Variants in WNK1 observed in about 807,000 individuals in gnomAD.
The protein encoded by WNK1 is WNK lysine deficient protein kinase 1, also known as serine/threonine-protein kinase WNK1.
Under a neutral mutation model 222.8 loss-of-function variants are expected in WNK1, and 38 were observed. The observed-to-expected ratio is 0.17, with a 90% confidence interval of 0.13 to 0.22. The LOEUF (loss-of-function observed/expected upper bound fraction) is 0.22, where lower values mean the gene tolerates loss of function less well. WNK1 is among the 10% of genes least tolerant of loss of function. The probability of loss-of-function intolerance (pLI) is 1.00; values close to 1 mark genes in which losing one functional copy is unlikely to be tolerated. For synonymous variants in WNK1, 1,090 were observed against 1,092.9 expected (o/e 1.00, Z 0.05); for missense variants, 2,348 against 2,918.4 (o/e 0.80, Z 4.50).
chr12:817,878 G>C (rs1947500256), intron 2 of WNK1, among the ~76,000 whole-genome samples: 1 of 152,054 alleles, frequency 6.6e-6, no homozygotes, highest in Admixed American at 6.6e-5. Context: ...GCTTGACCCC[G>C]GAAGTGGAGG....
Position 763,567 on chromosome 12 carries a change from C to T in WNK1, c.759+9243C>T, listed in dbSNP as rs1342947850. The stretch of plus-strand genomic sequence containing the variant: ...TTGCGCCATTGCACTCCAGCCTGGG[C>T]GACAAGAGGGAAACTCTGTCTCAAA... On this transcript the variant is annotated intron_variant, in intron 1 of 27. Coordinates refer to ENST00000315939, the MANE Select transcript of WNK1 (RefSeq NM_018979.4). Among the ~76,000 whole-genome samples the T allele has an allele frequency of 1.2e-4, 17 of 139,914 alleles. 1 individual carries two copies. The highest frequency in any genetic ancestry group is 7.9e-4 in the Admixed American group (11 of 13,986). The allele number at this position is 139,914 out of a possible 152,430, so 91.8% of individuals were successfully genotyped here.
intron 1 of WNK1, among the ~76,000 whole-genome samples, chr12:789,517 A>G (rs2153978707): frequency 6.7e-6 from 1 of 149,260 alleles, no homozygotes; most frequent in East Asian, 2.0e-4. Context: ...CCTAGTAGAA[A>G]CTGTGTGGTT....
At chr12:809,097 G>A (rs2154004127) in intron 1 of WNK1, among the ~76,000 whole-genome samples, 1 of 151,632 alleles carries the variant, frequency 6.6e-6, no homozygotes, top group South Asian at 2.1e-4. Context: ...TTTTCTTCTT[G>A]CTTCTTTGAA....
rs1333330270 is a variant in WNK1 at position 753,253 on chromosome 12, G to C, written c.-313G>C. On this transcript the variant is annotated 5_prime_UTR_variant, in exon 1 of 28. Coordinates refer to ENST00000315939, the MANE Select transcript of WNK1 (RefSeq NM_018979.4). The surrounding 1 kb of genome is among the most constrained non-coding windows in gnomAD (Gnocchi z 5.2). Reference sequence around the variant, plus strand: ...TGCGGCGCCTCTGCTGCCACCGCCCGCCCGGCCGCCGCTCGCCGCAGGATG... The same window carrying C: ...TGCGGCGCCTCTGCTGCCACCGCCCCCCCGGCCGCCGCTCGCCGCAGGATG... 8.9e-6 allele frequency: 3 copies of C among 335,286 alleles called. No homozygotes were observed. The highest frequency in any genetic ancestry group is 1.6e-5 in the Non-Finnish European group (3 of 183,018). 20.8% of individuals were successfully genotyped at this position (335,286 alleles called of 1,614,324 possible). A position where few individuals can be genotyped will look rare whatever the true frequency, so the allele number is the denominator to read the frequency against.
rs1565581431 is a variant in WNK1 at position 884,912 on chromosome 12, G to A, written c.4108G>A (p.Val1370Ile). ...SSPPNDISTS[V>I]IQSEVTVPTE... The stretch of plus-strand genomic sequence containing the variant: ...CCCTCCTAATGACATTTCCACATCA[G>A]TAATTCAGTCTGAGGTTACAGTGCC... The change falls in exon 19 of 28, where the codon GTA (valine) becomes ATA (isoleucine). Residue 1370 changes from valine (V) to isoleucine (I), a missense_variant. Coordinates refer to ENST00000315939, the MANE Select transcript of WNK1 (RefSeq NM_018979.4). The surrounding 1 kb of genome is among the most constrained non-coding windows in gnomAD (Gnocchi z 5.6). 6 of 1,614,170 alleles carry A rather than the reference G, an allele frequency of 3.7e-6. No individual in the cohort carries two copies. The highest frequency in any genetic ancestry group is 5.1e-6 in the Non-Finnish European group (6 of 1,180,008).
Position 883,797 on chromosome 12 carries a change from A to G in WNK1, c.3687A>G (p.Gln1229=). 6.2e-7 allele frequency: 1 copy of G among 1,614,114 alleles called. No individual in the cohort carries two copies. The highest frequency in any genetic ancestry group is 1.7e-5 in the Admixed American group (1 of 60,032). The change falls in exon 17 of 28, where the codon CAA becomes CAG. Residue 1229 remains glutamine, a synonymous_variant. Transcript: ENST00000315939. Reference sequence around the variant, plus strand: ...AGAAATTGGAAGGAGAGTTCAAACAACCAATTCCTGCGTCTTCCATGCCAC... The same window carrying G: ...AGAAATTGGAAGGAGAGTTCAAACAGCCAATTCCTGCGTCTTCCATGCCAC... ...GSQKLEGEFK[Q]PIPASSMPQQ... is the part of the protein sequence containing the mutation.
chr12:846,252 G>A (rs1175188188), intron 4 of WNK1, among the ~76,000 whole-genome samples: 1 of 152,156 alleles, frequency 6.6e-6, no homozygotes, highest in Admixed American at 6.5e-5. Context: ...TTAATTGTAT[G>A]CTATACTTGT....
chr12:776,177 G>T (rs1410305731), intron 1 of WNK1, among the ~76,000 whole-genome samples: 2 of 151,798 alleles, frequency 1.3e-5, no homozygotes, highest in African/African-American at 2.4e-5. Context: ...GGGACTACAG[G>T]CATGTACCAC....
rs767938457 is a variant in WNK1, at chr12:907,864, A to G, written c.6661A>G (p.Thr2221Ala). The G allele has an allele frequency of 8.1e-6, 13 of 1,613,780 alleles. No homozygotes were observed. Among genetic ancestry groups the G allele is most frequent in the South Asian group, 2.2e-5 (2 of 91,066 alleles). The change falls in exon 27 of 28, where the codon ACT (threonine) becomes GCT (alanine). Residue 2221 changes from threonine (T) to alanine (A), a missense_variant. Coordinates refer to ENST00000315939, the MANE Select transcript of WNK1 (RefSeq NM_018979.4). ...APGQGTSSTN[T>A]VGATVNSQAA... ...TATAATAGGAACCAGCAGCACAAACACTGTTGGGGCAACAGTGAACAGCCA... is the reference window on the plus strand; with the variant it reads ...TATAATAGGAACCAGCAGCACAAACGCTGTTGGGGCAACAGTGAACAGCCA...
At chr12:776,412 T>TCGTGTGTGTG (rs1555082817) in intron 1 of WNK1, among the ~76,000 whole-genome samples, 1 of 146,112 alleles carries the variant, frequency 6.8e-6, no homozygotes, top group Non-Finnish European at 1.5e-5. Context: ...GTTTGTGTGT[T>TCGTGTGTGTG]TGTGTGTGTG....
At chr12:870,775 T>C (rs766542139) in intron 8 of WNK1, among the ~76,000 whole-genome samples, 3 of 152,222 alleles carry the variant, frequency 2.0e-5, no homozygotes, top group Non-Finnish European at 4.4e-5. Context: ...TGGATAGCAA[T>C]GATCGCCCTA....
intron 1 of WNK1, among the ~76,000 whole-genome samples, chr12:788,711 A>G (rs1269397169): frequency 8.5e-5 from 13 of 152,090 alleles, no homozygotes; most frequent in Admixed American, 8.5e-4. Context: ...AAATGGTGAA[A>G]CCCCGTCTCT....
At chr12:855,057 CAG>C (rs1950682375) in intron 4 of WNK1, among the ~76,000 whole-genome samples, 2 of 152,200 alleles carry the variant, frequency 1.3e-5, no homozygotes, top group Admixed American at 6.5e-5. Flanking sequence ...TTTTTACTAT[CAG>C]AGAATTTTTA....
At chr12:886,932 G>A (rs1426832756) in intron 19 of WNK1, among the ~76,000 whole-genome samples, 2 of 152,242 alleles carry the variant, frequency 1.3e-5, no homozygotes, top group East Asian at 3.9e-4. Flanking sequence ...TCTGGACACT[G>A]CCACTTATGT....
chr12:753,899 C>T lies in WNK1; in HGVS notation c.334C>T (p.Pro112Ser). The change falls in exon 1 of 28, where the codon CCG becomes TCG. Residue 112 changes from proline (P) to serine (S), a missense_variant. Physicochemically the swap from Pro to Ser is moderately conservative, Grantham distance 74. This residue lies in a region of WNK1 where 185 missense variants were observed against 159.2 expected (regional missense o/e 1.16). Coordinates refer to ENST00000315939, the MANE Select transcript of WNK1 (RefSeq NM_018979.4). The surrounding 1 kb of genome is among the most constrained non-coding windows in gnomAD (Gnocchi z 5.2). The stretch of plus-strand genomic sequence containing the variant: ...CCAGCCCAGCATCCCCGCGGCTGTC[C>T]CGCAGAGTGCTCCACCGGAGCCCCA... ...LPQPSIPAAV[P>S]QSAPPEPHRE... is the part of the protein sequence containing the mutation. 4 of 1,611,310 alleles carry T rather than the reference C, an allele frequency of 2.5e-6. No individual in the cohort carries two copies. Among genetic ancestry groups the T allele is most frequent in the Non-Finnish European group, 3.4e-6 (4 of 1,179,392 alleles).
rs2154068913 is a variant in WNK1 at position 865,085 on chromosome 12, ATGTGTGTGTT to A, written c.2139+2819_2139+2828del. 5 of 1,484,786 alleles carry A rather than the reference ATGTGTGTGTT, an allele frequency of 3.4e-6. No homozygotes were observed. Among genetic ancestry groups the A allele is most frequent in the Non-Finnish European group, 4.5e-6 (5 of 1,119,260 alleles). The allele number at this position is 1,484,786 out of a possible 1,614,324, so 92.0% of individuals were successfully genotyped here. The stretch of plus-strand genomic sequence containing the variant: ...TTGTTTTCACAGTACTGTGTTTTTC[ATGTGTGTGTT>A]TGTTTTGTGTTGAGCCTCGTCGTGG... On this transcript the variant is annotated intron_variant, in intron 8 of 27. Transcript: ENST00000315939.
intron 3 of WNK1, 131 bp from the exon 4 acceptor site, chr12:829,872 C>A (rs919799968): frequency 3.3e-6 from 3 of 914,024 alleles, no homozygotes; most frequent in African/African-American, 1.6e-5. Context: ...TTCCTCTTTT[C>A]TCCCCCTTTC....
chr12:781,194 A>G (rs1213413476), intron 1 of WNK1: 1 of 155,812 alleles, frequency 6.4e-6, no homozygotes, highest in Non-Finnish European at 1.4e-5. Context: ...CAGTACTGCT[A>G]ACGCCTACAT....
intron 24 of WNK1, among the ~76,000 whole-genome samples, 193 bp downstream of exon 24, chr12:896,925 C>T (rs1430865509): frequency 9.2e-5 from 9 of 97,472 alleles, no homozygotes; most frequent in African/African-American, 3.2e-4. Flanking sequence ...CACACACACA[C>T]ACACACACAC....
Sources: gnomAD v4.1 joint callset for allele counts (sites outside exome capture counted in the v4.1 genomes callset) on GRCh38, gnomAD v4.1.1 for gene constraint, gnomAD v4.1.1 regional missense constraint, Gnocchi (gnomAD v3.1) non-coding constraint, MANE v1.5 for transcripts, NCBI Gene and HGNC (gene_info 2026-07-23, HGNC 2026-07-21) for gene names.